HECTD4: variants seen among roughly 807,000 people sequenced by gnomAD.
HECTD4 encodes probable E3 ubiquitin-protein ligase HECTD4.
A neutral mutation model predicts 471.5 loss-of-function variants in HECTD4; 114 were observed. That is an observed-to-expected ratio of 0.24 (90% CI 0.21 to 0.28). The LOEUF (loss-of-function observed/expected upper bound fraction) is 0.28, where lower values mean the gene tolerates loss of function less well. HECTD4 is among the 10% of genes least tolerant of loss of function. HECTD4 has a pLI of 1.00. For missense variants in HECTD4, 3,866 were observed against 5,651.5 expected (o/e 0.68, Z 10.13); for synonymous variants, 2,012 against 2,256.0 (o/e 0.89, Z 3.07).
intron 1 of HECTD4, among the ~76,000 whole-genome samples, chr12:112,326,503 A>T (rs1458167910): frequency 6.6e-6 from 1 of 152,082 alleles, no homozygotes; most frequent in Non-Finnish European, 1.5e-5. Flanking sequence ...AAAAACAAAA[A>T]CAAAAACAAA....
intron 1 of HECTD4, chr12:112,322,622 A>T (rs556713799): frequency 1.3e-5 from 2 of 152,640 alleles, no homozygotes; most frequent in Non-Finnish European, 2.9e-5. Context: ...ACTGGTAAGA[A>T]GATGATCTGC....
chr12:112,230,306 C>T (rs748330647), intron 40 of HECTD4, among the ~76,000 whole-genome samples: 2 of 152,198 alleles, frequency 1.3e-5, no homozygotes, highest in Admixed American at 6.5e-5. Context: ...CACTTACTGA[C>T]AGGGCACTCA....
chr12:112,220,953 A>G (rs918653705), intron 44 of HECTD4, among the ~76,000 whole-genome samples: 4 of 152,052 alleles, frequency 2.6e-5, no homozygotes, highest in African/African-American at 9.7e-5. Context: ...CGTCTCTACA[A>G]ATTTTTATTT....
intron 69 of HECTD4, 190 bp downstream of exon 69, chr12:112,170,140 CCTT>C (rs1345526103): frequency 6.7e-6 from 5 of 744,584 alleles, no homozygotes; most frequent in Non-Finnish European, 1.1e-5. Context: ...GAGCCAAGCT[CCTT>C]CTGCTATGCC....
At chr12:112,343,562 G>T (rs1323732274) in intron 1 of HECTD4, among the ~76,000 whole-genome samples, 1 of 152,106 alleles carries the variant, frequency 6.6e-6, no homozygotes, top group Non-Finnish European at 1.5e-5. Flanking sequence ...TTGAGGTGAG[G>T]AATTTGAGAC....
chr12:112,373,317 A>C (rs893706965), intron 1 of HECTD4, among the ~76,000 whole-genome samples: 3 of 152,138 alleles, frequency 2.0e-5, no homozygotes, highest in African/African-American at 7.2e-5. Flanking sequence ...AGGAGGGTGG[A>C]TCACTTGAGG....
chr12:112,230,256 G>A (rs899444256), intron 40 of HECTD4, among the ~76,000 whole-genome samples: 8 of 152,166 alleles, frequency 5.3e-5, no homozygotes, highest in African/African-American at 1.2e-4. Flanking sequence ...TTACAGATCC[G>A]TAGTTTCAGG....
chr12:112,357,710 A>G (rs1410888962), intron 1 of HECTD4, among the ~76,000 whole-genome samples: 2 of 152,240 alleles, frequency 1.3e-5, no homozygotes, highest in Admixed American at 1.3e-4. Flanking sequence ...CAAAGATTAC[A>G]TAGCATTCAA....
intron 1 of HECTD4, among the ~76,000 whole-genome samples, chr12:112,363,975 G>C (rs2036506394): frequency 9.2e-6 from 1 of 108,348 alleles, no homozygotes; most frequent in African/African-American, 3.7e-5. Context: ...CTGGATGACA[G>C]AGCAAGACTC....
At chr12:112,289,510 T>C (rs576604182) in intron 7 of HECTD4, among the ~76,000 whole-genome samples, 26 of 152,330 alleles carry the variant, frequency 1.7e-4, no homozygotes, top group Admixed American at 4.6e-4. Context: ...CAAGCTGAGC[T>C]GACTGTTTTA....
intron 8 of HECTD4, among the ~76,000 whole-genome samples, chr12:112,282,417 C>T (rs930270935): frequency 1.3e-4 from 20 of 150,446 alleles, no homozygotes; most frequent in African/African-American, 2.0e-4. Context: ...ACAACAACAA[C>T]GAAAAAAAAA....
In HECTD4 at chr12:112,265,176, G is replaced by C. The variant is rs148614297; in HGVS notation, c.2618C>G (p.Pro873Arg). The change falls in exon 16 of 76, where the codon CCT becomes CGT. Residue 873 changes from proline to arginine, a missense_variant and splice_region_variant. This residue lies in a region of HECTD4 where 525 missense variants were observed against 672.6 expected (regional missense o/e 0.78). Transcript: ENST00000682272. ...TTCATTAAACACATTTTTACTTACA[G>C]GCACAGTTGAAAGGAGCTTTTGAAA... ...DDFQKLLSTVPAASSCLRYLM... is the reference protein window; with the variant it reads ...DDFQKLLSTVRAASSCLRYLM... 3.1e-6 allele frequency: 5 copies of C among 1,589,608 alleles called. No individual in the cohort carries two copies. The African/African-American group carries it at 6.8e-5, about 22-fold the overall frequency.
intron 1 of HECTD4, among the ~76,000 whole-genome samples, chr12:112,365,114 A>G (rs898166691): frequency 4.6e-5 from 7 of 152,274 alleles, no homozygotes; most frequent in African/African-American, 1.4e-4. Flanking sequence ...CATAAAACAC[A>G]TATGTAATTT....
chr12:112,324,275 ATGCAGCTAATTTTT>A (rs1238689316), intron 1 of HECTD4, among the ~76,000 whole-genome samples: 2 of 150,454 alleles, frequency 1.3e-5, no homozygotes, highest in African/African-American at 4.9e-5. Context: ...ATGTGCCACT[ATGCAGCTAATTTTT>A]TGTATTTTTT....
At chr12:112,305,725 A>G (rs1201710722) in intron 7 of HECTD4, among the ~76,000 whole-genome samples, 4 of 151,448 alleles carry the variant, frequency 2.6e-5, no homozygotes, top group Non-Finnish European at 5.9e-5. Context: ...TCTCTCAGAG[A>G]CTCCCAATTT....
chr12:112,368,351 T>G (rs895045141), intron 1 of HECTD4, among the ~76,000 whole-genome samples: 1 of 152,206 alleles, frequency 6.6e-6, no homozygotes, highest in Non-Finnish European at 1.5e-5. Flanking sequence ...CCCTCGAAAT[T>G]ATAAAGTAGT....
Position 112,345,962 on chromosome 12 carries a change from G to A in HECTD4, c.178-26220C>T, listed in dbSNP as rs534595634. ...TCTTTCCTGAATGTTCTGGAGCTAT[G>A]GCTCAAGAACTCACAGGAAGTCTGG... On this transcript the variant is annotated intron_variant, in intron 1 of 75. Transcript: ENST00000682272. Among the ~76,000 whole-genome samples the A allele has an allele frequency of 1.8e-3, 279 of 152,314 alleles. 1 individual carries two copies. Among genetic ancestry groups the A allele is most frequent in the Non-Finnish European group, 1.6e-3 (107 of 68,032 alleles).
rs781688949 is a variant in HECTD4, at chr12:112,184,517, G to C, written c.10449C>G (p.Ile3483Met). 1.3e-5 allele frequency: 21 copies of C among 1,611,728 alleles called. No individual in the cohort carries two copies. The Admixed American group carries it at 3.2e-4, about 24-fold the overall frequency. ...TSSSLTPAMS[I>M]SASASTSQAS... The stretch of plus-strand genomic sequence containing the variant: ...CCTGGCTGGTGGAGGCGGAGGCGCT[G>C]ATGCTCATGGCGGGGGTCAGGCTGC... The change falls in exon 61 of 76, where the codon ATC (isoleucine) becomes ATG (methionine). Residue 3483 changes from isoleucine (I) to methionine (M), a missense_variant. Transcript: ENST00000682272. This position sits in a 1 kb window ranked among gnomAD's most constrained non-coding sequence, Gnocchi z 9.1.
intron 9 of HECTD4, 60 bp downstream of exon 9, chr12:112,279,168 G>T: frequency 1.4e-6 from 2 of 1,435,836 alleles, no homozygotes; most frequent in Non-Finnish European, 1.9e-6. Flanking sequence ...TAATAGGAAA[G>T]CTTTAAATTT....
Sources: gnomAD v4.1 joint callset for allele counts (sites outside exome capture counted in the v4.1 genomes callset) on GRCh38, gnomAD v4.1.1 for gene constraint, gnomAD v4.1.1 regional missense constraint, Gnocchi (gnomAD v3.1) non-coding constraint, MANE v1.5 for transcripts, NCBI Gene and HGNC (gene_info 2026-07-23, HGNC 2026-07-21) for gene names.